The following TECPR2 variants were observed in gnomAD, a reference collection of about 807,000 sequenced individuals.
TECPR2 encodes the protein tectonin beta-propeller repeat-containing protein 2.
TECPR2 carries 65 observed loss-of-function variants against 138.1 expected under a neutral mutation model. The observed-to-expected ratio is 0.47, with a 90% CI of 0.39 to 0.58. TECPR2 has a LOEUF of 0.58. Ranked by LOEUF, TECPR2 falls within the 20% of genes least tolerant of loss-of-function variation. TECPR2 has a pLI of 0.00. For synonymous variants in TECPR2, 746 were observed against 749.8 expected (o/e 0.99, Z 0.08); for missense variants, 1,553 against 1,824.5 (o/e 0.85, Z 2.71).
In TECPR2 at chr14:102,499,152, G is replaced by C. The variant is rs758359980; in HGVS notation, c.*895G>C. 2 of 703,080 alleles carry C rather than the reference G, an allele frequency of 2.8e-6. No homozygotes were observed. Among genetic ancestry groups the C allele is most frequent in the South Asian group, 3.0e-5 (2 of 67,602 alleles). The allele number at this position is 703,080 out of a possible 1,614,324, so 43.6% of individuals were successfully genotyped here. ...GGGTGCAAATGGAACCTGGATGTGT[G>C]CACGTGTGTCCCAGGTAGGGACGGC... On this transcript the variant is annotated 3_prime_UTR_variant, in exon 20 of 20. Transcript: ENST00000359520.
intron 2 of TECPR2, among the ~76,000 whole-genome samples, chr14:102,404,601 G>T (rs1343936073): frequency 6.7e-6 from 1 of 148,680 alleles, no homozygotes; most frequent in African/African-American, 2.5e-5. Flanking sequence ...TTTTGAGACA[G>T]ACTGTCACTC....
intron 9 of TECPR2, among the ~76,000 whole-genome samples, chr14:102,436,861 A>G (rs1462347792): frequency 6.6e-6 from 1 of 152,200 alleles, no homozygotes; most frequent in Non-Finnish European, 1.5e-5. Flanking sequence ...CAGGAAGCGC[A>G]AGCAGCATGG....
At position 102,420,333 on chromosome 14, in the gene TECPR2, C is replaced by G. The variant is rs979575984; in HGVS notation, c.639-4646C>G. Among the ~76,000 whole-genome samples the G allele has an allele frequency of 4.6e-5, 7 of 152,206 alleles. No homozygotes were observed. The highest frequency in any genetic ancestry group is 7.3e-5 in the Non-Finnish European group (5 of 68,028). On this transcript the variant is annotated intron_variant, in intron 5 of 19. Coordinates refer to ENST00000359520, the MANE Select transcript of TECPR2 (RefSeq NM_014844.5). This position sits in a 1 kb window ranked among gnomAD's most constrained non-coding sequence, Gnocchi z 4.1. The stretch of plus-strand genomic sequence containing the variant: ...AAAGTTGGAGCTTCAGTGTCAAATT[C>G]AGAAAGCACCAGCAAGTACTGCAGA...
chr14:102,386,632 T>C (rs184960752), intron 2 of TECPR2, among the ~76,000 whole-genome samples: 2 of 152,136 alleles, frequency 1.3e-5, no homozygotes, highest in Admixed American at 6.6e-5. Context: ...GGGATTAAGA[T>C]TGGGATGGGC....
At chr14:102,488,947 T>C (rs1030137269) in intron 17 of TECPR2, among the ~76,000 whole-genome samples, 2 of 151,430 alleles carry the variant, frequency 1.3e-5, no homozygotes, top group African/African-American at 4.9e-5. Context: ...AGTGGCACAA[T>C]CTGGGCTCAC....
chr14:102,445,332 G>A (rs1387553329), intron 12 of TECPR2, among the ~76,000 whole-genome samples: 1 of 152,172 alleles, frequency 6.6e-6, no homozygotes, highest in Non-Finnish European at 1.5e-5. Context: ...CCTTGGTGAG[G>A]GAGGGAGTAG....
chr14:102,439,106 C>T (rs1488549549), intron 10 of TECPR2, among the ~76,000 whole-genome samples: 6 of 151,972 alleles, frequency 3.9e-5, no homozygotes, highest in Non-Finnish European at 5.9e-5. Flanking sequence ...CCTCATGATC[C>T]GCCCGCCTCA....
At chr14:102,442,083 A>T (rs981178892) in intron 11 of TECPR2, among the ~76,000 whole-genome samples, 2 of 152,112 alleles carry the variant, frequency 1.3e-5, no homozygotes, top group Non-Finnish European at 2.9e-5. Flanking sequence ...GGTTCAAGCG[A>T]TTCTCCTACC....
At chr14:102,478,269 G>A in intron 17 of TECPR2, among the ~76,000 whole-genome samples, 1 of 151,794 alleles carries the variant, frequency 6.6e-6, no homozygotes, top group Non-Finnish European at 1.5e-5. Flanking sequence ...GGCTGGTCTT[G>A]GACTCCTGGC....
chr14:102,396,308 G>A (rs924313383), intron 2 of TECPR2, among the ~76,000 whole-genome samples: 19 of 151,882 alleles, frequency 1.3e-4, no homozygotes, highest in Non-Finnish European at 4.4e-5. Flanking sequence ...TCGCCGTGTT[G>A]GCCAGGCTGG....
At chr14:102,486,310 AT>A (rs935771469) in intron 17 of TECPR2, among the ~76,000 whole-genome samples, 8 of 151,996 alleles carry the variant, frequency 5.3e-5, no homozygotes, top group Non-Finnish European at 1.2e-4. Flanking sequence ...TTAAAAAAAA[AT>A]TTTTTTGAGT....
At chr14:102,372,817 G>A (rs1056254098) in intron 1 of TECPR2, among the ~76,000 whole-genome samples, 27 of 152,064 alleles carry the variant, frequency 1.8e-4, no homozygotes, top group African/African-American at 5.6e-4. Context: ...CTACTCGGGA[G>A]GCTGAGGCAC....
chr14:102,431,169 G>A (rs538576370), intron 7 of TECPR2, among the ~76,000 whole-genome samples: 15 of 149,744 alleles, frequency 1.0e-4, no homozygotes, highest in Admixed American at 4.0e-4. Flanking sequence ...GACTATGGGC[G>A]TGCACCACCA....
chr14:102,419,755 G>C lies in TECPR2; in HGVS notation c.638+4962G>C, dbSNP rs564336782. Among the ~76,000 whole-genome samples the C allele has an allele frequency of 4.6e-5, 7 of 152,172 alleles. No homozygotes were observed. Among genetic ancestry groups the C allele is most frequent in the Non-Finnish European group, 7.3e-5 (5 of 68,030 alleles). On this transcript the variant is annotated intron_variant, in intron 5 of 19. Transcript: ENST00000359520. The surrounding 1 kb of genome is among the most constrained non-coding windows in gnomAD (Gnocchi z 4.8). ...AGCCATCTGCAACCGTGGGTTTGCT[G>C]TCCTGTGTATTTATGTTGCATTGTT... is the stretch of plus-strand genomic sequence containing the variant.
chr14:102,407,300 CATAGTT>C, intron 2 of TECPR2, 32 bp from the exon 3 acceptor site: 1 of 1,555,568 alleles, frequency 6.4e-7, no homozygotes, highest in Non-Finnish European at 8.7e-7. Context: ...TCAAAGCCTG[CATAGTT>C]ACAGATTCAT....
intron 9 of TECPR2, chr14:102,437,060 T>C: frequency 1.0e-6 from 1 of 985,422 alleles, no homozygotes; most frequent in African/African-American, 1.7e-5. Flanking sequence ...TTTTATGGTG[T>C]GTTTTTATTT....
Position 102,450,597 on chromosome 14 carries a change from T to G in TECPR2, c.3354T>G (p.Ala1118=). Residue 1118 remains alanine, a synonymous_variant, in exon 15 of 20, where the codon GCT becomes GCG. Coordinates refer to ENST00000359520, the MANE Select transcript of TECPR2 (RefSeq NM_014844.5). Reference sequence around the variant, plus strand: ...ATCATGTGGTTCCCCGTGGGACAGCTTCTGCTACAAAATGGGCCTTTGTGT... The same window carrying G: ...ATCATGTGGTTCCCCGTGGGACAGCGTCTGCTACAAAATGGGCCTTTGTGT... ...YWNHVVPRGT[A]SATKWAFVLA... 6.2e-7 allele frequency: 1 copy of G among 1,614,214 alleles called. No individual in the cohort carries two copies. The highest frequency in any genetic ancestry group is 1.1e-5 in the South Asian group (1 of 91,090).
At chr14:102,482,055 T>C (rs1182504050) in intron 17 of TECPR2, among the ~76,000 whole-genome samples, 1 of 150,982 alleles carries the variant, frequency 6.6e-6, no homozygotes, top group Non-Finnish European at 1.5e-5. Flanking sequence ...TAGTTTTTTT[T>C]CTTTTTTTTT....
At chr14:102,472,713 T>C (rs1041887662) in intron 17 of TECPR2, among the ~76,000 whole-genome samples, 2 of 152,190 alleles carry the variant, frequency 1.3e-5, no homozygotes, top group African/African-American at 2.4e-5. Flanking sequence ...ACCCTTTTAT[T>C]GCCCCAGGAA....
Sources: gnomAD v4.1 joint callset for allele counts (sites outside exome capture counted in the v4.1 genomes callset) on GRCh38, gnomAD v4.1.1 for gene constraint, Gnocchi (gnomAD v3.1) non-coding constraint, MANE v1.5 for transcripts, NCBI Gene and HGNC (gene_info 2026-07-23, HGNC 2026-07-21) for gene names.